Variants in MTHFD1L observed in about 807,000 individuals in gnomAD.
MTHFD1L encodes monofunctional C1-tetrahydrofolate synthase, mitochondrial.
Under a neutral mutation model 119.5 loss-of-function variants are expected in MTHFD1L, and 81 were observed. The ratio of observed to expected loss-of-function variants is 0.68; its 90% confidence interval spans 0.57 to 0.82. The LOEUF (loss-of-function observed/expected upper bound fraction) is 0.82, where lower values mean the gene tolerates loss of function less well. Among genes scored for constraint, MTHFD1L ranks in the 40% least tolerant of loss-of-function variants. The pLI is 0.00. For synonymous variants in MTHFD1L, 430 were observed against 475.2 expected, an observed-to-expected ratio of 0.90 and a Z score of 1.24; for missense variants, 1,125 against 1,253.4, an observed-to-expected ratio of 0.90 and a Z score of 1.55.
chr6:151,006,792 A>C (rs1470001355), intron 20 of MTHFD1L, among the ~76,000 whole-genome samples: 1 of 152,132 alleles, frequency 6.6e-6, no homozygotes, highest in East Asian at 1.9e-4. Context: ...TGGAGCTTGC[A>C]ATCTAACAGG....
At chr6:150,920,896 C>CT (rs1156613002) in intron 9 of MTHFD1L, among the ~76,000 whole-genome samples, 10 of 151,074 alleles carry the variant, frequency 6.6e-5, no homozygotes, top group Admixed American at 6.6e-4. Context: ...CCTCAGCCTC[C>CT]TGGGTAGCTG....
At chr6:150,962,468 C>T (rs1387385502) in intron 18 of MTHFD1L, among the ~76,000 whole-genome samples, 1 of 152,038 alleles carries the variant, frequency 6.6e-6, no homozygotes, top group Non-Finnish European at 1.5e-5. Flanking sequence ...GTGCTTCATC[C>T]AGTGGGAGCT....
intron 26 of MTHFD1L, among the ~76,000 whole-genome samples, chr6:151,066,073 CA>C (rs1245750577): frequency 6.6e-6 from 1 of 152,190 alleles, no homozygotes; most frequent in Non-Finnish European, 1.5e-5. Flanking sequence ...TTTTCTTCAT[CA>C]AAAGTGATCT....
chr6:151,060,049 C>T (rs561839527), intron 26 of MTHFD1L, among the ~76,000 whole-genome samples: 80 of 152,294 alleles, frequency 5.3e-4, no homozygotes, highest in African/African-American at 1.9e-3. Context: ...TTGTGGGAAG[C>T]AACCCTGCCA....
intron 27 of MTHFD1L, chr6:151,100,014 AG>A: frequency 2.8e-6 from 2 of 726,164 alleles, no homozygotes; most frequent in Non-Finnish European, 4.6e-6. Flanking sequence ...AAGAAAAGAA[AG>A]AAATATTTTC....
intron 1 of MTHFD1L, chr6:150,866,531 C>T: frequency 7.9e-7 from 1 of 1,273,502 alleles, no homozygotes; most frequent in Non-Finnish European, 9.9e-7. Flanking sequence ...GGGCCCAGCG[C>T]CGCCCGCGCG....
chr6:150,873,435 C>G (rs1779879086), intron 1 of MTHFD1L, among the ~76,000 whole-genome samples: 1 of 151,758 alleles, frequency 6.6e-6, no homozygotes, highest in African/African-American at 2.4e-5. Flanking sequence ...CTTTGGGGCA[C>G]AGAAAAAAAC....
intron 8 of MTHFD1L, among the ~76,000 whole-genome samples, chr6:150,916,580 C>T (rs1787973139): frequency 6.9e-6 from 1 of 145,866 alleles, no homozygotes; most frequent in South Asian, 2.2e-4. Context: ...CCACCCTACT[C>T]GGCCTCCTAG....
At chr6:151,092,740 T>C (rs1467924685) in intron 27 of MTHFD1L, among the ~76,000 whole-genome samples, 153 bp downstream of exon 27, 1 of 152,158 alleles carries the variant, frequency 6.6e-6, no homozygotes, top group African/African-American at 2.4e-5. Flanking sequence ...TTTCCGTGAC[T>C]GGAGTTCACT....
intron 8 of MTHFD1L, chr6:150,912,747 T>TGAGTTA (rs1321621006): frequency 2.0e-6 from 1 of 497,808 alleles, no homozygotes; most frequent in African/African-American, 1.9e-5. Flanking sequence ...ATGAGTTAGA[T>TGAGTTA]GAGAGTGTTT....
intron 20 of MTHFD1L, among the ~76,000 whole-genome samples, chr6:150,999,832 G>T (rs959095671): frequency 6.6e-6 from 1 of 152,150 alleles, no homozygotes; most frequent in Non-Finnish European, 1.5e-5. Flanking sequence ...CGTCTAAGTG[G>T]TATTGGTATT....
chr6:150,915,708 C>T lies in MTHFD1L; in HGVS notation c.893-2869C>T, dbSNP rs1180333832. Among the ~76,000 whole-genome samples, 5 of 152,142 alleles carry T rather than the reference C, an allele frequency of 3.3e-5. No individual in the cohort carries two copies. In the South Asian group the frequency reaches 6.2e-4, roughly 19 times the overall value. On this transcript the variant is annotated intron_variant, in intron 8 of 27. Transcript: ENST00000367321. ...CTCTGGGTCCCGAGGTCAAGCAATTCGCTGGCCTCAGCCTCTGAGTAGGTG... is the reference window on the plus strand; with the variant it reads ...CTCTGGGTCCCGAGGTCAAGCAATTTGCTGGCCTCAGCCTCTGAGTAGGTG...
chr6:151,095,695 T>C (rs1378715716), intron 27 of MTHFD1L, among the ~76,000 whole-genome samples: 1 of 152,256 alleles, frequency 6.6e-6, no homozygotes, highest in Non-Finnish European at 1.5e-5. Flanking sequence ...CTAAGCACTT[T>C]GCATGGGTGG....
chr6:151,084,983 AAATAT>A (rs1390947903), intron 26 of MTHFD1L, among the ~76,000 whole-genome samples: 1,153 of 100,718 alleles, frequency 0.011, 17 homozygotes, highest in African/African-American at 0.047. Flanking sequence ...AAAAAAAAAA[AAATAT>A]ATATATATAT....
intron 20 of MTHFD1L, among the ~76,000 whole-genome samples, chr6:151,005,307 A>G (rs1781226548): frequency 6.6e-6 from 1 of 152,158 alleles, no homozygotes; most frequent in Non-Finnish European, 1.5e-5. Flanking sequence ...TTTTACTTTC[A>G]TAATTACTGA....
Position 151,091,028 on chromosome 6 carries a change from G to A in MTHFD1L, c.2848-1439G>A, listed in dbSNP as rs112836268. Among the ~76,000 whole-genome samples, 291 of 133,608 alleles carry A rather than the reference G, an allele frequency of 2.2e-3. 5 individuals are homozygous for A. Among genetic ancestry groups the A allele is most frequent in the Middle Eastern group, 4.1e-3 (1 of 242 alleles). The allele number at this position is 133,608 out of a possible 152,430, so 87.7% of individuals were successfully genotyped here. ...GACTGGGTGCAGCATCGTTCCATGC[G>A]ACTGGGTGCAGCATCGCCCCATGCG... On this transcript the variant is annotated intron_variant, in intron 26 of 27. Transcript: ENST00000367321.
chr6:151,037,183 T>C (rs1387904823), intron 26 of MTHFD1L, 66 bp downstream of exon 26: 2 of 1,540,192 alleles, frequency 1.3e-6, no homozygotes, highest in Non-Finnish European at 1.8e-6. Flanking sequence ...CAAATCGTTA[T>C]GCTCCGCCCG....
At position 151,094,296 on chromosome 6, in the gene MTHFD1L, C is replaced by T. The variant is rs551318451; in HGVS notation, c.*31+1709C>T. Among the ~76,000 whole-genome samples, 5 of 152,308 alleles carry T rather than the reference C, an allele frequency of 3.3e-5. No homozygotes were observed. The East Asian group carries it at 7.7e-4, about 24-fold the overall frequency. ...TTCTTCAACCATCTCTGAGTTACGG[C>T]TCCAAGCCAGGCACCCAGGATTCTC... On this transcript the variant is annotated intron_variant, in intron 27 of 27. Coordinates refer to ENST00000367321, the MANE Select transcript of MTHFD1L (RefSeq NM_015440.5).
chr6:151,088,379 A>G (rs2128644520), intron 26 of MTHFD1L: 1 of 92,512 alleles, frequency 1.1e-5, no homozygotes, highest in Admixed American at 1.4e-4. Flanking sequence ...TTTTTCTCCC[A>G]TCTGAAAGAA....
Sources: allele counts gnomAD v4.1 joint callset (sites outside exome capture counted in the v4.1 genomes callset), GRCh38; gene constraint gnomAD v4.1.1; transcripts MANE v1.5; gene names NCBI Gene and HGNC (gene_info 2026-07-23, HGNC 2026-07-21).